Variants in CYP39A1 observed in about 807,000 individuals in gnomAD.
The protein encoded by CYP39A1 is cytochrome P450 family 39 subfamily A member 1.
CYP39A1 carries 49 observed loss-of-function variants against 58.1 expected under a neutral mutation model. The observed-to-expected ratio is 0.84, with a 90% CI of 0.67 to 1.07. The LOEUF (loss-of-function observed/expected upper bound fraction) is 1.07, where lower values mean the gene tolerates loss of function less well. CYP39A1 is among the 50% of genes least tolerant of loss of function. The pLI is 0.00. For synonymous variants in CYP39A1, 209 were observed against 187.6 expected (o/e 1.11, Z -0.93); for missense variants, 531 against 539.4 (o/e 0.98, Z 0.16).
At chr6:46,626,698 C>G (rs986947270) in intron 6 of CYP39A1, among the ~76,000 whole-genome samples, 4 of 152,094 alleles carry the variant, frequency 2.6e-5, no homozygotes, top group African/African-American at 9.7e-5. Context: ...AAAGATTTAT[C>G]CTAGAGATTT....
intron 10 of CYP39A1, among the ~76,000 whole-genome samples, chr6:46,568,816 A>C (rs544278208): frequency 1.3e-5 from 2 of 152,078 alleles, no homozygotes; most frequent in Non-Finnish European, 2.9e-5. Context: ...TTGCAATCAG[A>C]AAATGAGAGT....
intron 1 of CYP39A1, among the ~76,000 whole-genome samples, chr6:46,651,655 T>A (rs1282176281): frequency 2.0e-5 from 3 of 152,188 alleles, no homozygotes; most frequent in Non-Finnish European, 4.4e-5. Context: ...ATAATGCTAC[T>A]ACGTATAAAT....
In CYP39A1 at chr6:46,652,712, C is replaced by A. The variant is rs570580138; in HGVS notation, c.-130G>T. On this transcript the variant is annotated 5_prime_UTR_variant, in exon 1 of 12. Coordinates refer to ENST00000275016, the MANE Select transcript of CYP39A1 (RefSeq NM_016593.5). ...TGCTGCAACTTTTGCAGCTCTCCTTCGTAACTGTAGCTTCCTTCCTCTGTC... is the reference window on the plus strand; with the variant it reads ...TGCTGCAACTTTTGCAGCTCTCCTTAGTAACTGTAGCTTCCTTCCTCTGTC... The A allele has an allele frequency of 5.0e-6, 4 of 805,948 alleles. No individual in the cohort carries two copies. The highest frequency in any genetic ancestry group is 4.1e-5 in the South Asian group (2 of 48,990). The allele number at this position is 805,948 out of a possible 1,614,324, so 49.9% of individuals were successfully genotyped here.
At chr6:46,600,975 G>A (rs1203992816) in intron 7 of CYP39A1, among the ~76,000 whole-genome samples, 1 of 152,122 alleles carries the variant, frequency 6.6e-6, no homozygotes, top group Non-Finnish European at 1.5e-5. Context: ...ATCTGAAGTT[G>A]GGGAGAGTCT....
At chr6:46,587,244 A>C in intron 9 of CYP39A1, 79 bp from the exon 10 acceptor site, 2 of 923,822 alleles carry the variant, frequency 2.2e-6, no homozygotes, top group Non-Finnish European at 3.5e-6. Flanking sequence ...GCTAAAAATG[A>C]CCTTGTACAG....
chr6:46,596,035 T>C lies in CYP39A1; in HGVS notation c.1017A>G (p.Lys339=). Residue 339 remains lysine, a synonymous_variant, in exon 8 of 12, where the codon AAA becomes AAG. Coordinates refer to ENST00000275016, the MANE Select transcript of CYP39A1 (RefSeq NM_016593.5). The part of the protein sequence containing the change: ...KWCVLETIRL[K]APGVITRKVV... ...CTTTTCTAGTAATGACACCAGGAGC[T>C]TTTAAACGAATGGTTTCCAAAACAC... 1 of 1,612,202 alleles carries C rather than the reference T, an allele frequency of 6.2e-7. No homozygotes were observed. The highest frequency in any genetic ancestry group is 1.3e-5 in the African/African-American group (1 of 74,916).
At chr6:46,556,963 TA>T (rs1770694476) in intron 10 of CYP39A1, among the ~76,000 whole-genome samples, 2 of 152,012 alleles carry the variant, frequency 1.3e-5, no homozygotes, top group South Asian at 4.1e-4. Context: ...CACAGGTTCA[TA>T]AAGGTAGAAA....
Position 46,639,581 on chromosome 6 carries a change from T to C in CYP39A1, c.401A>G (p.Gln134Arg), listed in dbSNP as rs1776199571. Reference protein sequence around the residue: ...KGKMGTVNLHQFTGQLTEELH... With the variant: ...KGKMGTVNLHRFTGQLTEELH... ...TTCTTCAGTCAGTTGCCCAGTAAAC[T>C]GATGGAGATTGACAGTCCCCATTTT... is the stretch of plus-strand genomic sequence containing the variant. The change falls in exon 3 of 12, where the codon CAG becomes CGG. Residue 134 changes from glutamine (Q) to arginine (R), a missense_variant. Transcript: ENST00000275016. The C allele has an allele frequency of 6.2e-7, 1 of 1,613,990 alleles. No homozygotes were observed. The highest frequency in any genetic ancestry group is 1.3e-5 in the African/African-American group (1 of 74,952).
intron 5 of CYP39A1, among the ~76,000 whole-genome samples, chr6:46,635,169 T>C (rs1421166587): frequency 2.0e-5 from 3 of 152,246 alleles, no homozygotes; most frequent in African/African-American, 7.2e-5. Context: ...ACAAAAACTT[T>C]TGATGCCATC....
chr6:46,571,193 G>A (rs1430468039), intron 10 of CYP39A1, among the ~76,000 whole-genome samples: 1 of 152,070 alleles, frequency 6.6e-6, no homozygotes, highest in African/African-American at 2.4e-5. Flanking sequence ...GAATGTATAT[G>A]CTGCTGCTGT....
chr6:46,644,343 T>C (rs184100855), intron 1 of CYP39A1, among the ~76,000 whole-genome samples: 17 of 152,308 alleles, frequency 1.1e-4, no homozygotes, highest in Non-Finnish European at 1.9e-4. Context: ...TTCCACTGTA[T>C]GAATGTACGA....
At chr6:46,581,118 T>C (rs1017268926) in intron 10 of CYP39A1, among the ~76,000 whole-genome samples, 1 of 152,114 alleles carries the variant, frequency 6.6e-6, no homozygotes, top group Non-Finnish European at 1.5e-5. Flanking sequence ...GGATTTAAAA[T>C]AATGTGGGGC....
At chr6:46,607,980 C>A (rs1250427024) in intron 7 of CYP39A1, among the ~76,000 whole-genome samples, 1 of 152,044 alleles carries the variant, frequency 6.6e-6, no homozygotes, top group Admixed American at 6.6e-5. Context: ...TGCAAAAGAT[C>A]ATAGTGCACA....
intron 10 of CYP39A1, among the ~76,000 whole-genome samples, chr6:46,566,781 A>C (rs1473700851): frequency 1.3e-5 from 2 of 151,966 alleles, no homozygotes; most frequent in East Asian, 1.9e-4. Flanking sequence ...GATTGACCTC[A>C]AAATATAAAT....
intron 7 of CYP39A1, among the ~76,000 whole-genome samples, chr6:46,624,725 T>G (rs1265993346): frequency 6.6e-6 from 1 of 152,102 alleles, no homozygotes; most frequent in African/African-American, 2.4e-5. Context: ...TACGACATAT[T>G]AAGAAGTTTA....
At chr6:46,583,711 C>T in intron 10 of CYP39A1, 1 of 440,174 alleles carries the variant, frequency 2.3e-6, no homozygotes. Flanking sequence ...CTTTCAGAAC[C>T]CCCACGAATA....
chr6:46,594,515 AGT>A (rs1279510854), intron 8 of CYP39A1, among the ~76,000 whole-genome samples: 1 of 152,106 alleles, frequency 6.6e-6, no homozygotes, highest in African/African-American at 2.4e-5. Flanking sequence ...ACACATTTAC[AGT>A]CAATTGAATG....
At chr6:46,644,706 T>C (rs1420335958) in intron 1 of CYP39A1, among the ~76,000 whole-genome samples, 1 of 152,206 alleles carries the variant, frequency 6.6e-6, no homozygotes, top group Non-Finnish European at 1.5e-5. Context: ...GTTTGGATGT[T>C]TAAGAAACTG....
intron 7 of CYP39A1, among the ~76,000 whole-genome samples, chr6:46,613,636 G>T (rs1774348955): frequency 6.6e-6 from 1 of 151,024 alleles, no homozygotes; most frequent in African/African-American, 2.4e-5. Context: ...GCTATCCTAT[G>T]TTAAAAAGCA....
Sources: gnomAD v4.1 joint callset for allele counts (sites outside exome capture counted in the v4.1 genomes callset) on GRCh38, gnomAD v4.1.1 for gene constraint, MANE v1.5 for transcripts, NCBI Gene and HGNC (gene_info 2026-07-23, HGNC 2026-07-21) for gene names.